SRGAP2B: variants seen among roughly 807,000 people sequenced by gnomAD.
SRGAP2B encodes SLIT-ROBO Rho GTPase-activating protein 2B.
A neutral mutation model predicts 22.2 loss-of-function variants in SRGAP2B; 9 were observed. That is an observed-to-expected ratio of 0.41 (90% confidence interval 0.24 to 0.71). SRGAP2B has a LOEUF of 0.71. SRGAP2B is among the 30% of genes least tolerant of loss of function. The pLI is 0.35. For synonymous variants in SRGAP2B, 36 were observed against 87.4 expected (o/e 0.41, Z 3.28); for missense variants, 114 against 235.8 (o/e 0.48, Z 3.38).
In SRGAP2B at chr1:145,089,101, A is replaced by T. The variant is rs1231914644; in HGVS notation, c.67+3734T>A. Among the ~76,000 whole-genome samples the T allele has an allele frequency of 8.6e-5, 13 of 151,528 alleles. No individual in the cohort carries two copies. The East Asian group carries it at 2.1e-3, about 25-fold the overall frequency. ...ATACGTAAATACCACACCATTATTTATCAGGGACTTGAGCATCTGCAGATT... is the reference window on the plus strand; with the variant it reads ...ATACGTAAATACCACACCATTATTTTTCAGGGACTTGAGCATCTGCAGATT... On this transcript the variant is annotated intron_variant, in intron 2 of 9. Transcript: ENST00000612199.
chr1:144,944,430 TA>T (rs1344688128), intron 4 of SRGAP2B, among the ~76,000 whole-genome samples: 4 of 149,052 alleles, frequency 2.7e-5, no homozygotes, highest in South Asian at 2.1e-4. Flanking sequence ...ACCCCATCTC[TA>T]AAAAAATTAG....
intron 7 of SRGAP2B, among the ~76,000 whole-genome samples, chr1:144,902,772 A>AG (rs1353290251): frequency 7.3e-6 from 1 of 137,188 alleles, no homozygotes; most frequent in African/African-American, 2.8e-5. Flanking sequence ...AAAAAAAAAA[A>AG]AAAAAAGAAA....
intron 4 of SRGAP2B, among the ~76,000 whole-genome samples, chr1:144,917,638 C>A (rs1322295638): frequency 6.8e-6 from 1 of 145,988 alleles, no homozygotes; most frequent in Non-Finnish European, 1.5e-5. Flanking sequence ...GTTGGGAGGA[C>A]CACTCAACTA....
chr1:144,910,068 TACA>T (rs1663307299), intron 5 of SRGAP2B, among the ~76,000 whole-genome samples: 1 of 145,574 alleles, frequency 6.9e-6, no homozygotes, highest in Non-Finnish European at 1.5e-5. Context: ...AGAAATATTA[TACA>T]ACAAGAAGAA....
At chr1:144,927,064 C>T (rs1300395846) in intron 4 of SRGAP2B, among the ~76,000 whole-genome samples, 2 of 150,828 alleles carry the variant, frequency 1.3e-5, no homozygotes, top group African/African-American at 5.0e-5. Context: ...ATTCTCCTGC[C>T]TCAGCCTCCC....
chr1:144,928,690 A>G (rs1468932095), intron 4 of SRGAP2B, among the ~76,000 whole-genome samples: 1 of 143,104 alleles, frequency 7.0e-6, no homozygotes, highest in African/African-American at 2.7e-5. Flanking sequence ...TGCCCACCTC[A>G]GCCTCCCAAA....
chr1:144,941,467 A>T lies in SRGAP2B; in HGVS notation c.423+13972T>A, dbSNP rs587691950. On this transcript the variant is annotated intron_variant, in intron 4 of 9. Transcript: ENST00000612199. ...AAATGCTGGGAGAAGCTGGATGTAG[A>T]CCCAAATGATTTGTAGAGAACAGAG... Among the ~76,000 whole-genome samples, 44 of 147,308 alleles carry T rather than the reference A, an allele frequency of 3.0e-4. 1 individual carries two copies. Among genetic ancestry groups the T allele is most frequent in the Admixed American group, 2.8e-3 (41 of 14,772 alleles).
At chr1:144,997,344 T>G (rs1442176591) in intron 2 of SRGAP2B, among the ~76,000 whole-genome samples, 2 of 150,730 alleles carry the variant, frequency 1.3e-5, no homozygotes, top group African/African-American at 5.0e-5. Flanking sequence ...GGTGCGAGAA[T>G]GGCGTGAACC....
chr1:144,956,973 G>A (rs1193151599), intron 3 of SRGAP2B, among the ~76,000 whole-genome samples: 4 of 150,578 alleles, frequency 2.7e-5, no homozygotes, highest in Admixed American at 6.6e-5. Context: ...TACCTGATGA[G>A]GTGGGTGTTA....
intron 4 of SRGAP2B, among the ~76,000 whole-genome samples, chr1:144,939,693 T>C (rs1274165153): frequency 2.0e-5 from 3 of 149,950 alleles, no homozygotes; most frequent in Non-Finnish European, 4.4e-5. Context: ...CAATACTTTT[T>C]TTTTTTCCTT....
intron 4 of SRGAP2B, among the ~76,000 whole-genome samples, chr1:144,926,624 A>T (rs2101809412): frequency 6.6e-6 from 1 of 151,342 alleles, no homozygotes; most frequent in African/African-American, 2.5e-5. Context: ...TGGAAGGCCA[A>T]GGCAGGAAGA....
At chr1:144,977,125 TAA>T (rs1668957318) in intron 3 of SRGAP2B, among the ~76,000 whole-genome samples, 3 of 65,696 alleles carry the variant, frequency 4.6e-5, no homozygotes, top group Admixed American at 2.1e-4. Flanking sequence ...TGATCAAATT[TAA>T]CATCATCAGT....
chr1:144,952,394 A>C lies in SRGAP2B; in HGVS notation c.423+3045T>G, dbSNP rs1395292814. 3.0e-3 allele frequency among the ~76,000 whole-genome samples: 440 copies of C among 147,178 alleles called. 8 individuals are homozygous for C. The highest frequency in any genetic ancestry group is 4.4e-3 in the Non-Finnish European group (298 of 67,246). On this transcript the variant is annotated intron_variant, in intron 4 of 9. Coordinates refer to ENST00000612199, the Ensembl canonical transcript of SRGAP2B. The stretch of plus-strand genomic sequence containing the variant: ...AGGATTCTAATTCATGTGCAAGGAC[A>C]CTCTAAACAAAAGAGGTTAAAAAAC...
chr1:144,933,022 TA>T (rs1665322369), intron 4 of SRGAP2B, among the ~76,000 whole-genome samples: 3 of 150,562 alleles, frequency 2.0e-5, no homozygotes, highest in Non-Finnish European at 4.4e-5. Context: ...GTTCATTTCC[TA>T]TGCTGTGGTA....
intron 2 of SRGAP2B, among the ~76,000 whole-genome samples, chr1:145,075,888 G>C: frequency 6.7e-6 from 1 of 149,356 alleles, no homozygotes; most frequent in East Asian, 2.0e-4. Flanking sequence ...AGGAGTTCAA[G>C]ACCAGCCTGG....
Position 144,997,651 on chromosome 1 carries a change from A to G in SRGAP2B, c.68-2451T>C, listed in dbSNP as rs587719091. Reference sequence around the variant, plus strand: ...ATGACACCCACCCTCTGCCAAAAAAAGAGAGGACAAGGCAAAGTCCCATGA... The same window carrying G: ...ATGACACCCACCCTCTGCCAAAAAAGGAGAGGACAAGGCAAAGTCCCATGA... On this transcript the variant is annotated intron_variant, in intron 2 of 9. Coordinates refer to ENST00000612199, the Ensembl canonical transcript of SRGAP2B. 1.1e-3 allele frequency among the ~76,000 whole-genome samples: 163 copies of G among 148,596 alleles called. 1 individual carries two copies. Among genetic ancestry groups the G allele is most frequent in the Non-Finnish European group, 1.8e-3 (119 of 67,652 alleles).
intron 2 of SRGAP2B, among the ~76,000 whole-genome samples, chr1:145,017,495 G>A (rs6600711): frequency 4.0e-5 from 6 of 149,730 alleles, no homozygotes; most frequent in South Asian, 2.1e-4. Flanking sequence ...AAAAAAACCC[G>A]TATCCCAGTT....
chr1:145,020,453 G>T (rs504986), intron 2 of SRGAP2B, among the ~76,000 whole-genome samples: 2 of 142,842 alleles, frequency 1.4e-5, no homozygotes, highest in Non-Finnish European at 3.0e-5. Context: ...AAAAAAAAAA[G>T]GTAGAAGAAG....
intron 2 of SRGAP2B, among the ~76,000 whole-genome samples, chr1:145,084,031 T>C (rs587744469): frequency 2.2e-5 from 3 of 137,042 alleles, no homozygotes; most frequent in Non-Finnish European, 3.1e-5. Flanking sequence ...CCCAGAAACG[T>C]TGGGCTTTAC....
Sources: gnomAD v4.1 joint callset for allele counts (sites outside exome capture counted in the v4.1 genomes callset) on GRCh38, gnomAD v4.1.1 for gene constraint, MANE v1.5 for transcripts, NCBI Gene and HGNC (gene_info 2026-07-23, HGNC 2026-07-21) for gene names.